Variants in RGS14 observed in about 807,000 individuals in gnomAD.
The protein encoded by RGS14 is regulator of G-protein signaling 14.
In RGS14, 33 loss-of-function variants were observed where a neutral mutation model predicts 63.8. The ratio of observed to expected loss-of-function variants is 0.52; its 90% CI spans 0.39 to 0.69. The LOEUF is 0.69. Ranked by LOEUF, RGS14 falls within the 30% of genes least tolerant of loss-of-function variation. The probability of loss-of-function intolerance (pLI) is 0.00; values close to 1 mark genes in which losing one functional copy is unlikely to be tolerated. For missense variants in RGS14, 739 were observed against 742.9 expected (o/e 0.99, Z 0.06); for synonymous variants, 296 against 320.9 (o/e 0.92, Z 0.83).
In RGS14 at chr5:177,370,654, A is replaced by G. The variant is rs201976185; in HGVS notation, c.1117A>G (p.Ile373Val). Residue 373 changes from isoleucine to valine, a missense_variant, in exon 10 of 15, where the codon ATC (isoleucine) becomes GTC (valine). By Grantham distance (29) the Ile-to-Val change is conservative. Coordinates refer to ENST00000408923, the MANE Select transcript of RGS14 (RefSeq NM_006480.5). ...TCAGGAAGTGCGGCTGGAAAACAGG[A>G]TCACCTTCGAGTGAGTGTCCTGCCC... is the stretch of plus-strand genomic sequence containing the variant. The part of the protein sequence containing the change: ...ADQEVRLENR[I>V]TFELELTALE... The G allele has an allele frequency of 5.7e-5, 92 of 1,613,908 alleles. No homozygotes were observed. The African/African-American group carries it at 1.2e-3, about 21-fold the overall frequency.
chr5:177,367,698 T>A lies in RGS14; in HGVS notation c.628-16T>A. 6.2e-7 allele frequency: 1 copy of A among 1,609,148 alleles called. No homozygotes were observed. The highest frequency in any genetic ancestry group is 8.5e-7 in the Non-Finnish European group (1 of 1,178,258). ...TGGGGCCCAGCCCGGTGCCAGCGCCTCCCCTGTACCCACAGAAGCCGAAGC... is the reference window on the plus strand; with the variant it reads ...TGGGGCCCAGCCCGGTGCCAGCGCCACCCCTGTACCCACAGAAGCCGAAGC... On this transcript the variant is annotated splice_polypyrimidine_tract_variant and intron_variant, in intron 6 of 14. Coordinates refer to ENST00000408923, the MANE Select transcript of RGS14 (RefSeq NM_006480.5).
intron 1 of RGS14, among the ~76,000 whole-genome samples, chr5:177,362,018 C>T (rs917139920): frequency 1.2e-4 from 18 of 152,310 alleles, no homozygotes; most frequent in African/African-American, 4.1e-4. Context: ...CACCTCACTC[C>T]GCTGTGGGGT....
chr5:177,357,999 G>A lies in RGS14; in HGVS notation c.-26G>A, dbSNP rs1007919635. 8.4e-5 allele frequency: 113 copies of A among 1,344,362 alleles called. No individual in the cohort carries two copies. The highest frequency in any genetic ancestry group is 1.0e-4 in the Non-Finnish European group (106 of 1,039,096). The allele number at this position is 1,344,362 out of a possible 1,614,324, so 83.3% of individuals were successfully genotyped here. The stretch of plus-strand genomic sequence containing the variant: ...AGTCCCCATGGTGGGCAGCCCCCGC[G>A]GCGGGGACCCCTGATCGGCAGCGGC... On this transcript the variant is annotated 5_prime_UTR_variant, in exon 1 of 15. Transcript: ENST00000408923.
At position 177,358,899 on chromosome 5, in the gene RGS14, G is replaced by C. The variant is rs757405750; in HGVS notation, c.45+830G>C. Among the ~76,000 whole-genome samples, 6 of 152,246 alleles carry C rather than the reference G, an allele frequency of 3.9e-5. No homozygotes were observed. The highest frequency in any genetic ancestry group is 5.9e-5 in the Non-Finnish European group (4 of 68,048). ...AGCCTAGTATCACGGGCCAAAGCCAGTGGCTCTATAGAGACCTGGGTTCCA... is the reference window on the plus strand; with the variant it reads ...AGCCTAGTATCACGGGCCAAAGCCACTGGCTCTATAGAGACCTGGGTTCCA... On this transcript the variant is annotated intron_variant, in intron 1 of 14. Transcript: ENST00000408923. This position sits in a 1 kb window ranked among gnomAD's most constrained non-coding sequence, Gnocchi z 4.8.
chr5:177,359,241 G>A lies in RGS14; in HGVS notation c.45+1172G>A, dbSNP rs1761899774. 6.6e-6 allele frequency among the ~76,000 whole-genome samples: 1 copy of A among 151,828 alleles called. No homozygotes were observed. The highest frequency in any genetic ancestry group is 2.4e-5 in the African/African-American group (1 of 41,314). On this transcript the variant is annotated intron_variant, in intron 1 of 14. Coordinates refer to ENST00000408923, the MANE Select transcript of RGS14 (RefSeq NM_006480.5). This position sits in a 1 kb window ranked among gnomAD's most constrained non-coding sequence, Gnocchi z 4.4. ...GCATCTCTTTCCTGCCCAGCCCCGG[G>A]CTGGCCGGCTGGGAGAGAGGCCACC...
In RGS14 at chr5:177,371,672, G is replaced by A; in HGVS notation, c.1498+83G>A. On this transcript the variant is annotated intron_variant, in intron 14 of 14. Coordinates refer to ENST00000408923, the MANE Select transcript of RGS14 (RefSeq NM_006480.5). The surrounding 1 kb of genome is among the most constrained non-coding windows in gnomAD (Gnocchi z 6.1). ...TCAGGGTGGCATCAGAGAGCCTTGA[G>A]CTAAGGCAGGGGGCTGGGTGCCACT... The A allele has an allele frequency of 2.1e-6, 3 of 1,419,898 alleles. No homozygotes were observed. Among genetic ancestry groups the A allele is most frequent in the South Asian group, 2.4e-5 (2 of 84,542 alleles). 88.0% of individuals were successfully genotyped at this position (1,419,898 alleles called of 1,614,324 possible). A position where few individuals can be genotyped will look rare whatever the true frequency, so the allele number is the denominator to read the frequency against.
At position 177,372,394 on chromosome 5, in the gene RGS14, GC is replaced by G. The variant is rs1762295670; in HGVS notation, c.*321del. ...GGCAGTGCCAGCCTCCCCAGCCTGT[GC>G]CAAGCTTCAACAGGGGCAAGAGGAG... On this transcript the variant is annotated 3_prime_UTR_variant, in exon 15 of 15. Coordinates refer to ENST00000408923, the MANE Select transcript of RGS14 (RefSeq NM_006480.5). 1.2e-5 allele frequency: 4 copies of G among 320,190 alleles called. No homozygotes were observed. Among genetic ancestry groups the G allele is most frequent in the South Asian group, 6.2e-5 (1 of 16,252 alleles). The allele number at this position is 320,190 out of a possible 1,614,324, so 19.8% of individuals were successfully genotyped here.
In RGS14 at chr5:177,368,387, G is replaced by A. The variant is rs566783584; in HGVS notation, c.849+121G>A. ...TACTGCGTCTCCCAGCTTGCTCTGC[G>A]TAGCCAACCCTTCAGCCTCCTTACT... is the stretch of plus-strand genomic sequence containing the variant. On this transcript the variant is annotated intron_variant, in intron 8 of 14. Coordinates refer to ENST00000408923, the MANE Select transcript of RGS14 (RefSeq NM_006480.5). 1,095 of 1,058,278 alleles carry A rather than the reference G, an allele frequency of 1.0e-3. 9 individuals are homozygous for A. The Middle Eastern group carries it at 0.019, about 18-fold the overall frequency. The allele number at this position is 1,058,278 out of a possible 1,614,324, so 65.6% of individuals were successfully genotyped here.
intron 1 of RGS14, among the ~76,000 whole-genome samples, chr5:177,361,294 G>A (rs1761960821): frequency 6.6e-6 from 1 of 152,246 alleles, no homozygotes; most frequent in Non-Finnish European, 1.5e-5. Flanking sequence ...AGCCCCTCAA[G>A]CTAGGATGAA....
rs541170440 is a variant in RGS14 at position 177,360,684 on chromosome 5, C to T, written c.45+2615C>T. 1.4e-3 allele frequency among the ~76,000 whole-genome samples: 207 copies of T among 151,246 alleles called. No homozygotes were observed. The Middle Eastern group carries it at 0.018, about 13-fold the overall frequency. On this transcript the variant is annotated intron_variant, in intron 1 of 14. Transcript: ENST00000408923. ...ATCCCAGCACTTTAGGAGGCCGAGG[C>T]GGGCAGATCATGAGGCCAAGAGATC...
intron 1 of RGS14, among the ~76,000 whole-genome samples, chr5:177,365,707 C>T (rs1762074403): frequency 6.6e-6 from 1 of 152,228 alleles, no homozygotes. Context: ...ACACCTGGCT[C>T]ACCCAGCAGG....
At position 177,371,429 on chromosome 5, in the gene RGS14, C is replaced by T; in HGVS notation, c.1383+33C>T. The T allele has an allele frequency of 6.2e-7, 1 of 1,614,188 alleles. No homozygotes were observed. Among genetic ancestry groups the T allele is most frequent in the Non-Finnish European group, 8.5e-7 (1 of 1,180,016 alleles). ...AAAGGCGAGTGGCCTCTTCCACCCT[C>T]TGCTTCTCCCCTCCCGATTTTGGCT... On this transcript the variant is annotated intron_variant, in intron 13 of 14. Transcript: ENST00000408923. The surrounding 1 kb of genome is among the most constrained non-coding windows in gnomAD (Gnocchi z 6.1).
At position 177,368,329 on chromosome 5, in the gene RGS14, T is replaced by C. The variant is rs1581621478; in HGVS notation, c.849+63T>C. Reference sequence around the variant, plus strand: ...GCTAGAGTCACTACTCAGGCCCATTTACGTGGTGGCCCTCATTCCAAGTTG... The same window carrying C: ...GCTAGAGTCACTACTCAGGCCCATTCACGTGGTGGCCCTCATTCCAAGTTG... On this transcript the variant is annotated intron_variant, in intron 8 of 14. Coordinates refer to ENST00000408923, the MANE Select transcript of RGS14 (RefSeq NM_006480.5). 1.4e-5 allele frequency: 21 copies of C among 1,492,156 alleles called. No homozygotes were observed. In the East Asian group the frequency reaches 5.0e-4, roughly 35 times the overall value. The allele number at this position is 1,492,156 out of a possible 1,614,324, so 92.4% of individuals were successfully genotyped here.
rs1417125954 is a variant in RGS14, at chr5:177,371,079, C to CGGGGCGGGG, written c.1254+48_1254+49insGGGGCGGGG. ...GGGGCGGGGCGGGGCCGGGCCGGGG[C>CGGGGCGGGG]CGGGGCCGGGGCCGGGGCCGGGGCC... On this transcript the variant is annotated intron_variant, in intron 11 of 14. Coordinates refer to ENST00000408923, the MANE Select transcript of RGS14 (RefSeq NM_006480.5). The surrounding 1 kb of genome is among the most constrained non-coding windows in gnomAD (Gnocchi z 6.1). 36 of 233,106 alleles carry CGGGGCGGGG rather than the reference C, an allele frequency of 1.5e-4. No homozygotes were observed. In the African/African-American group the frequency reaches 3.9e-3, roughly 25 times the overall value. 14.4% of individuals were successfully genotyped at this position (233,106 alleles called of 1,614,324 possible).
In RGS14 at chr5:177,358,015, C is replaced by T. The variant is rs1402186345; in HGVS notation, c.-10C>T. ...AGCCCCCGCGGCGGGGACCCCTGAT[C>T]GGCAGCGGCATGCCAGGGAAGCCCA... On this transcript the variant is annotated 5_prime_UTR_variant, in exon 1 of 15. Transcript: ENST00000408923. This position sits in a 1 kb window ranked among gnomAD's most constrained non-coding sequence, Gnocchi z 4.8. The T allele has an allele frequency of 5.9e-6, 8 of 1,356,796 alleles. No homozygotes were observed. Among genetic ancestry groups the T allele is most frequent in the South Asian group, 1.8e-5 (1 of 55,342 alleles). 84.0% of individuals were successfully genotyped at this position (1,356,796 alleles called of 1,614,324 possible).
In RGS14 at chr5:177,372,215, G is replaced by A. The variant is rs909849333; in HGVS notation, c.*140G>A. 9.0e-6 allele frequency: 7 copies of A among 781,544 alleles called. No homozygotes were observed. In the African/African-American group the frequency reaches 1.2e-4, roughly 14 times the overall value. 48.4% of individuals were successfully genotyped at this position (781,544 alleles called of 1,614,324 possible). On this transcript the variant is annotated 3_prime_UTR_variant, in exon 15 of 15. Coordinates refer to ENST00000408923, the MANE Select transcript of RGS14 (RefSeq NM_006480.5). Reference sequence around the variant, plus strand: ...GGCAGGCCCGCAGGAAGAGCCGGTAGGGGTGGAAAGGGGACTCAGATGAGA... The same window carrying A: ...GGCAGGCCCGCAGGAAGAGCCGGTAAGGGTGGAAAGGGGACTCAGATGAGA...
At chr5:177,368,569 C>T in intron 8 of RGS14, 148 bp from the exon 9 acceptor site, 1 of 801,238 alleles carries the variant, frequency 1.2e-6, no homozygotes, top group Non-Finnish European at 2.0e-6. Context: ...GGTGTGCATA[C>T]ATGTGTTCCT....
In RGS14 at chr5:177,371,086, CGGGGCCGGGGCCG is replaced by C. The variant is rs1364499655; in HGVS notation, c.1254+59_1255-63del. The C allele has an allele frequency of 1.7e-4, 68 of 406,530 alleles. No homozygotes were observed. In the African/African-American group the frequency reaches 3.9e-3, roughly 23 times the overall value. The allele number at this position is 406,530 out of a possible 1,614,324, so 25.2% of individuals were successfully genotyped here. On this transcript the variant is annotated intron_variant, in intron 11 of 14. Transcript: ENST00000408923. The surrounding 1 kb of genome is among the most constrained non-coding windows in gnomAD (Gnocchi z 6.1). ...GGCGGGGCCGGGCCGGGGCCGGGGC[CGGGGCCGGGGCCG>C]GGGCCGGGGCCGGGGCCGGGGCCGG... is the stretch of plus-strand genomic sequence containing the variant.
Position 177,371,644 on chromosome 5 carries a change from C to A in RGS14, c.1498+55C>A. The A allele has an allele frequency of 6.5e-7, 1 of 1,539,194 alleles. No individual in the cohort carries two copies. Among genetic ancestry groups the A allele is most frequent in the Non-Finnish European group, 9.0e-7 (1 of 1,113,886 alleles). ...AGACTAGGGCAGTGGGGTTGGGGAC[C>A]ATTCAGGGTGGCATCAGAGAGCCTT... On this transcript the variant is annotated intron_variant, in intron 14 of 14. Transcript: ENST00000408923. This position sits in a 1 kb window ranked among gnomAD's most constrained non-coding sequence, Gnocchi z 6.1.
Sources: allele counts gnomAD v4.1 joint callset (sites outside exome capture counted in the v4.1 genomes callset), GRCh38; gene constraint gnomAD v4.1.1; non-coding constraint Gnocchi (gnomAD v3.1); transcripts MANE v1.5; gene names NCBI Gene and HGNC (gene_info 2026-07-23, HGNC 2026-07-21).